The following LOC128462377 variants were observed in gnomAD, a reference collection of about 807,000 sequenced individuals.
chr16:89,344,610 AGG>A, the LOC128462377 span, among the ~76,000 whole-genome samples: 1 of 152,226 alleles, frequency 6.6e-6, no homozygotes, highest in Non-Finnish European at 1.5e-5. Context: ...AGCGTCCGGG[AGG>A]ACACTCCAGG....
chr16:89,361,967 G>A, the LOC128462377 span, among the ~76,000 whole-genome samples: 1,932 of 152,306 alleles, frequency 0.013, 34 homozygotes, highest in African/African-American at 0.044. Context: ...CTGGATGGGC[G>A]GCCAGGGGCT....
the LOC128462377 span, among the ~76,000 whole-genome samples, chr16:89,407,806 G>A: frequency 1.4e-5 from 2 of 145,932 alleles, no homozygotes; most frequent in South Asian, 2.2e-4. Flanking sequence ...GCCGTGATCC[G>A]GCCACTGCAC....
At chr16:89,400,846 A>G in the LOC128462377 span, among the ~76,000 whole-genome samples, 1 of 152,066 alleles carries the variant, frequency 6.6e-6, no homozygotes, top group African/African-American at 2.4e-5. Context: ...TCTGACGGGA[A>G]CCCCTGCAGC....
the LOC128462377 span, among the ~76,000 whole-genome samples, chr16:89,365,368 G>A: frequency 2.0e-5 from 3 of 152,152 alleles, no homozygotes; most frequent in Admixed American, 1.3e-4. Context: ...CCAAATCACT[G>A]GCTGCAAAGC....
chr16:89,387,514 T>C, the LOC128462377 span, among the ~76,000 whole-genome samples: 1 of 149,364 alleles, frequency 6.7e-6, no homozygotes, highest in Non-Finnish European at 1.5e-5. Flanking sequence ...CTACTAAAAA[T>C]ACAAAAAAAT....
chr16:89,406,685 G>A, the LOC128462377 span, among the ~76,000 whole-genome samples: 6 of 152,304 alleles, frequency 3.9e-5, no homozygotes, highest in Admixed American at 3.9e-4. Context: ...CATCTGCCTG[G>A]AGGAAGGAAG....
the LOC128462377 span, among the ~76,000 whole-genome samples, chr16:89,375,880 C>A: frequency 1.3e-5 from 2 of 151,972 alleles, no homozygotes; most frequent in East Asian, 3.9e-4. Context: ...GTGCCACTAG[C>A]GATGCTGGCA....
chr16:89,328,759 G>A, the LOC128462377 span, among the ~76,000 whole-genome samples: 849 of 130,936 alleles, frequency 6.5e-3, 13 homozygotes, highest in Non-Finnish European at 9.8e-3. Flanking sequence ...CGAAATCAGC[G>A]GAGGCCCCTG....
the LOC128462377 span, among the ~76,000 whole-genome samples, chr16:89,413,982 C>G: frequency 4.6e-5 from 7 of 152,242 alleles, no homozygotes; most frequent in Admixed American, 1.3e-4. Flanking sequence ...GCGGAGGGGG[C>G]TCGGCTCTGG....
At chr16:89,384,894 T>C in the LOC128462377 span, among the ~76,000 whole-genome samples, 8 of 127,490 alleles carry the variant, frequency 6.3e-5, 1 homozygote, top group Non-Finnish European at 9.9e-5. Flanking sequence ...TTTTTTTTTT[T>C]TTTTTTTTTT....
chr16:89,365,869 A>C, the LOC128462377 span, among the ~76,000 whole-genome samples: 1 of 151,172 alleles, frequency 6.6e-6, no homozygotes, highest in African/African-American at 2.4e-5. Context: ...TCCACCCCCA[A>C]CCCTCAAGCA....
At chr16:89,379,675 G>T in the LOC128462377 span, among the ~76,000 whole-genome samples, 3 of 152,188 alleles carry the variant, frequency 2.0e-5, no homozygotes, top group Non-Finnish European at 4.4e-5. Context: ...TGACTGGGAC[G>T]CGAGCGCCCC....
the LOC128462377 span, among the ~76,000 whole-genome samples, chr16:89,325,463 T>TCA: frequency 2.9e-5 from 4 of 139,402 alleles, no homozygotes; most frequent in African/African-American, 1.2e-4. Flanking sequence ...TCTCTCTCTC[T>TCA]CTCTCTCACA....
At chr16:89,416,259 T>A in the LOC128462377 span, among the ~76,000 whole-genome samples, 3 of 152,128 alleles carry the variant, frequency 2.0e-5, no homozygotes, top group African/African-American at 7.2e-5. Flanking sequence ...GCTGATAGCT[T>A]GCTCCCCTTT....
the LOC128462377 span, among the ~76,000 whole-genome samples, chr16:89,409,575 A>G: frequency 1.3e-5 from 2 of 152,152 alleles, no homozygotes; most frequent in Admixed American, 6.5e-5. Context: ...CAGCGTTGGG[A>G]GGCAGAGGAG....
chr16:89,409,048 G>T, the LOC128462377 span, among the ~76,000 whole-genome samples: 3 of 152,190 alleles, frequency 2.0e-5, no homozygotes, highest in African/African-American at 7.2e-5. Context: ...AGAGAATTCA[G>T]AAAAGCCACC....
At chr16:89,328,474 GT>G in the LOC128462377 span, among the ~76,000 whole-genome samples, 2 of 152,248 alleles carry the variant, frequency 1.3e-5, no homozygotes, top group African/African-American at 4.8e-5. Context: ...TCGAAACTGG[GT>G]TTCATTCACA....
chr16:89,394,077 A>G, the LOC128462377 span, among the ~76,000 whole-genome samples: 3 of 152,100 alleles, frequency 2.0e-5, no homozygotes, highest in Admixed American at 1.3e-4. Context: ...CCGCCTCCCT[A>G]GCCCTCCTGG....
chr16:89,350,376 A>T, the LOC128462377 span, among the ~76,000 whole-genome samples: 3 of 152,190 alleles, frequency 2.0e-5, no homozygotes, highest in Non-Finnish European at 4.4e-5. Flanking sequence ...AACTACTCAT[A>T]TCAGCTTGAC....
Sources: allele counts gnomAD v4.1 joint callset (sites outside exome capture counted in the v4.1 genomes callset), GRCh38; gene constraint gnomAD v4.1.1; transcripts MANE v1.5.